Variants in NRXN1 observed in about 807,000 individuals in gnomAD.
The protein encoded by NRXN1 is neurexin 1, also known as neurexin-1.
Under a neutral mutation model 150.9 loss-of-function variants are expected in NRXN1, and 39 were observed. The ratio of observed to expected loss-of-function variants is 0.26; its 90% CI spans 0.20 to 0.34. The LOEUF is 0.34. Ranked by LOEUF, NRXN1 falls within the 10% of genes least tolerant of loss-of-function variation. The pLI is 1.00. For synonymous variants in NRXN1, 924 were observed against 757.0 expected (o/e 1.22, Z -3.62); for missense variants, 1,815 against 1,949.9 (o/e 0.93, Z 1.30).
In NRXN1 at chr2:50,125,792, T is replaced by C. The variant is rs180688126; in HGVS notation, c.3547-34298A>G. Among the ~76,000 whole-genome samples the C allele has an allele frequency of 1.6e-4, 24 of 152,216 alleles. No individual in the cohort carries two copies. In the East Asian group the frequency reaches 3.9e-3, roughly 24 times the overall value. ...CCATAGAGTTTAACATGCATACACATATGCCCACACTCATATGTGGGTAAT... is the reference window on the plus strand; with the variant it reads ...CCATAGAGTTTAACATGCATACACACATGCCCACACTCATATGTGGGTAAT... On this transcript the variant is annotated intron_variant, in intron 18 of 22. Coordinates refer to ENST00000401669, the MANE Select transcript of NRXN1 (RefSeq NM_001330078.2).
At chr2:50,502,167 G>A (rs1456828150) in intron 13 of NRXN1, among the ~76,000 whole-genome samples, 5 of 151,754 alleles carry the variant, frequency 3.3e-5, no homozygotes, top group Non-Finnish European at 7.4e-5. Flanking sequence ...TGGCTTTCAT[G>A]AGATCTCTGA....
intron 5 of NRXN1, among the ~76,000 whole-genome samples, chr2:50,806,626 A>G (rs137896702): frequency 6.6e-6 from 1 of 152,266 alleles, no homozygotes; most frequent in African/African-American, 2.4e-5. Flanking sequence ...ACACTGACCA[A>G]GCTACATAAA....
At chr2:50,145,805 TC>T (rs1288445218) in intron 18 of NRXN1, among the ~76,000 whole-genome samples, 1 of 151,650 alleles carries the variant, frequency 6.6e-6, no homozygotes, top group African/African-American at 2.4e-5. Flanking sequence ...ACTGAAGACT[TC>T]TAAGGTTTGA....
chr2:50,644,181 C>T (rs967820249), intron 5 of NRXN1, among the ~76,000 whole-genome samples: 2 of 151,414 alleles, frequency 1.3e-5, no homozygotes, highest in African/African-American at 2.4e-5. Flanking sequence ...ATGATTTAAA[C>T]AGCTATATTA....
rs145880148 is a variant in NRXN1 at position 50,582,625 on chromosome 2, G to A, written c.1321-29600C>T. ...AAACTAGCACATAAACATAGGCTAC[G>A]TAGCATCTCTGTTCTTTATTAACCA... On this transcript the variant is annotated intron_variant, in intron 8 of 22. Transcript: ENST00000401669. Among the ~76,000 whole-genome samples, 18 of 150,536 alleles carry A rather than the reference G, an allele frequency of 1.2e-4. 1 individual carries two copies. The South Asian group carries it at 3.8e-3, about 32-fold the overall frequency.
At chr2:50,681,496 A>T (rs1234660967) in intron 5 of NRXN1, among the ~76,000 whole-genome samples, 1 of 152,208 alleles carries the variant, frequency 6.6e-6, no homozygotes, top group African/African-American at 2.4e-5. Context: ...ATAAAGTCAC[A>T]TGTGGGCATT....
At chr2:50,086,935 T>C (rs1188632920) in intron 19 of NRXN1, among the ~76,000 whole-genome samples, 1 of 152,160 alleles carries the variant, frequency 6.6e-6, no homozygotes, top group East Asian at 1.9e-4. Flanking sequence ...CTTGTTTATT[T>C]TCTCACATTC....
chr2:49,991,590 T>G (rs1260522960), intron 21 of NRXN1, among the ~76,000 whole-genome samples: 1 of 152,174 alleles, frequency 6.6e-6, no homozygotes, highest in Non-Finnish European at 1.5e-5. Flanking sequence ...GAATGAAATC[T>G]AGTAAGTAAA....
intron 18 of NRXN1, among the ~76,000 whole-genome samples, chr2:50,189,579 T>C (rs1011188320): frequency 6.6e-6 from 1 of 152,114 alleles, no homozygotes; most frequent in Non-Finnish European, 1.5e-5. Flanking sequence ...TTTCATATTA[T>C]GTGTAAGGCC....
intron 5 of NRXN1, among the ~76,000 whole-genome samples, chr2:50,729,697 C>G (rs937123133): frequency 6.6e-6 from 1 of 152,170 alleles, no homozygotes; most frequent in Admixed American, 6.5e-5. Context: ...GCACAAAGAA[C>G]AGCCTCCCTC....
intron 5 of NRXN1, among the ~76,000 whole-genome samples, chr2:50,683,646 A>AAAAAAAAAATATATATATAT: frequency 2.0e-3 from 30 of 14,890 alleles, no homozygotes; most frequent in Non-Finnish European, 2.6e-3. Context: ...AAAAAAAAAA[A>AAAAAAAAAATATATATATAT]ATATATATAT....
At chr2:50,466,959 G>A (rs990389298) in intron 16 of NRXN1, among the ~76,000 whole-genome samples, 13 of 151,634 alleles carry the variant, frequency 8.6e-5, no homozygotes, top group African/African-American at 2.2e-4. Context: ...GCTTCAAACC[G>A]TAATGCCAGC....
intron 21 of NRXN1, among the ~76,000 whole-genome samples, chr2:49,961,778 G>A (rs1676005113): frequency 6.6e-6 from 1 of 152,120 alleles, no homozygotes; most frequent in African/African-American, 2.4e-5. Flanking sequence ...ACTTCCAAAG[G>A]TGAGTAGCAC....
intron 21 of NRXN1, among the ~76,000 whole-genome samples, chr2:50,017,439 T>C (rs1686833946): frequency 6.6e-6 from 1 of 151,902 alleles, no homozygotes; most frequent in East Asian, 1.9e-4. Flanking sequence ...TACAACAAAA[T>C]AAAAGTCAAA....
intron 17 of NRXN1, among the ~76,000 whole-genome samples, chr2:50,320,831 A>C (rs1322225918): frequency 6.6e-6 from 1 of 152,152 alleles, no homozygotes; most frequent in Non-Finnish European, 1.5e-5. Flanking sequence ...TGTTTCATTC[A>C]TTGAACTATT....
chr2:50,992,324 A>G (rs1179949604), intron 2 of NRXN1, among the ~76,000 whole-genome samples: 1 of 152,052 alleles, frequency 6.6e-6, no homozygotes, highest in African/African-American at 2.4e-5. Flanking sequence ...AACCTTGTCC[A>G]AGGTCATACA....
chr2:50,666,689 T>C (rs190484134), intron 5 of NRXN1, among the ~76,000 whole-genome samples: 10 of 152,072 alleles, frequency 6.6e-5, no homozygotes, highest in Admixed American at 4.6e-4. Context: ...TGAAGTTCCA[T>C]CATTCAGAAT....
At chr2:49,973,773 A>G (rs956418863) in intron 21 of NRXN1, 12 of 557,330 alleles carry the variant, frequency 2.2e-5, no homozygotes, top group Non-Finnish European at 3.5e-5. Context: ...ACCTTTCCAC[A>G]TTTCACATAC....
intron 5 of NRXN1, among the ~76,000 whole-genome samples, chr2:50,782,720 G>T (rs1226345437): frequency 6.6e-6 from 1 of 152,152 alleles, no homozygotes; most frequent in Non-Finnish European, 1.5e-5. Flanking sequence ...AGGGCTGCAT[G>T]GCATTCCTCT....
Sources: gnomAD v4.1 joint callset for allele counts (sites outside exome capture counted in the v4.1 genomes callset) on GRCh38, gnomAD v4.1.1 for gene constraint, MANE v1.5 for transcripts, NCBI Gene and HGNC (gene_info 2026-07-23, HGNC 2026-07-21) for gene names.